The following ZNF445 variants were observed in gnomAD, a reference collection of about 807,000 sequenced individuals.
ZNF445 encodes the protein zinc finger protein 168.
ZNF445 carries 19 observed loss-of-function variants against 93.9 expected under a neutral mutation model. That is an observed-to-expected ratio of 0.20 (90% confidence interval 0.14 to 0.30). The LOEUF is 0.30. Among genes scored for constraint, ZNF445 ranks in the 10% least tolerant of loss-of-function variants. The pLI is 1.00. For synonymous variants in ZNF445, 449 were observed against 446.3 expected (o/e 1.01, Z -0.08); for missense variants, 1,058 against 1,259.4 (o/e 0.84, Z 2.42).
At position 44,451,359 on chromosome 3, in the gene ZNF445, G is replaced by A; in HGVS notation, c.553C>T (p.Pro185Ser). 2 of 1,614,140 alleles carry A rather than the reference G, an allele frequency of 1.2e-6. No individual in the cohort carries two copies. Among genetic ancestry groups the A allele is most frequent in the Non-Finnish European group, 1.7e-6 (2 of 1,180,002 alleles). Residue 185 changes from proline (P) to serine (S), a missense_variant, in exon 4 of 8, where the codon CCT becomes TCT. This residue lies in a region of ZNF445 where 657 missense variants were observed against 746.4 expected (regional missense o/e 0.88). Transcript: ENST00000396077. ...SSSALGDHLE[P>S]PYEIEARDFL... Reference sequence around the variant, plus strand: ...TCACGTGCTTCTATTTCATAGGGAGGCTCCAGGTGGTCCCCCAGAGCAGAG... The same window carrying A: ...TCACGTGCTTCTATTTCATAGGGAGACTCCAGGTGGTCCCCCAGAGCAGAG...
At chr3:44,454,755 TG>T (rs57424606) in intron 3 of ZNF445, 3,432 of 289,616 alleles carry the variant, frequency 0.012, 36 homozygotes, top group Non-Finnish European at 0.015. Context: ...AGAGACAGTG[TG>T]GGGGGGTCCT....
At position 44,437,040 on chromosome 3, in the gene ZNF445, TAGACAGAGC is replaced by T. The variant is rs1267898623; in HGVS notation, c.*9526_*9534del. The T allele has an allele frequency of 6.6e-6, 1 of 152,164 alleles. No individual in the cohort carries two copies. Among genetic ancestry groups the T allele is most frequent in the African/African-American group, 2.4e-5 (1 of 41,448 alleles). The allele number at this position is 152,164 out of a possible 1,614,324, so 9.4% of individuals were successfully genotyped here. A position where few individuals can be genotyped will look rare whatever the true frequency, so the allele number is the denominator to read the frequency against. ...AAGGAATAAAAGAATGGCTACTCCA[TAGACAGAGC>T]AGCCCCGAGGGCTGCTGGTTGTCTA... On this transcript the variant is annotated 3_prime_UTR_variant, in exon 8 of 8. Coordinates refer to ENST00000396077, the MANE Select transcript of ZNF445 (RefSeq NM_181489.6).
chr3:44,454,805 G>A (rs1698004836), intron 3 of ZNF445: 2 of 369,024 alleles, frequency 5.4e-6, no homozygotes, highest in Non-Finnish European at 5.1e-6. Context: ...CTGGCCTCAA[G>A]CAATCCTCCC....
At position 44,474,707 on chromosome 3, in the gene ZNF445, T is replaced by C. The variant is rs116555338; in HGVS notation, c.-269+2884A>G. Among the ~76,000 whole-genome samples the C allele has an allele frequency of 9.1e-3, 1,390 of 152,304 alleles. 29 individuals are homozygous for C. Among genetic ancestry groups the C allele is most frequent in the African/African-American group, 0.031 (1,307 of 41,548 alleles). ...AATAAACTTTTAAAAGTCTGCAGTT[T>C]AATTAATAGTACTGTACCAACGTAA... On this transcript the variant is annotated intron_variant, in intron 1 of 7. Coordinates refer to ENST00000396077, the MANE Select transcript of ZNF445 (RefSeq NM_181489.6).
rs1697769069 is a variant in ZNF445, at chr3:44,439,667, T to C, written c.*6908A>G. ...CTTTCAACAATTCTAGCCACGTCTC[T>C]TTGTTCCTGCTTTGCACTTTGCTCC... On this transcript the variant is annotated 3_prime_UTR_variant, in exon 8 of 8. Transcript: ENST00000396077. The C allele has an allele frequency of 6.6e-6, 1 of 152,166 alleles. No homozygotes were observed. The highest frequency in any genetic ancestry group is 6.5e-5 in the Admixed American group (1 of 15,276). 9.4% of individuals were successfully genotyped at this position (152,166 alleles called of 1,614,324 possible).
chr3:44,470,461 G>C (rs1334752396), intron 1 of ZNF445, among the ~76,000 whole-genome samples: 1 of 152,132 alleles, frequency 6.6e-6, no homozygotes, highest in African/African-American at 2.4e-5. Context: ...CTGGTGGTGG[G>C]GGTAGGAAGG....
chr3:44,461,646 A>G (rs949571193), intron 1 of ZNF445, among the ~76,000 whole-genome samples: 1 of 152,186 alleles, frequency 6.6e-6, no homozygotes, highest in Non-Finnish European at 1.5e-5. Context: ...CCCACCTGGT[A>G]TGGATCAAAG....
rs1698018831 is a variant in ZNF445 at position 44,455,625 on chromosome 3, C to T, written c.-76G>A. ...ACGTGGGTCCTCAGAAGTATCTTCT[C>T]AGCAGTCAACAATGCCAACATTTGC... On this transcript the variant is annotated 5_prime_UTR_variant, in exon 3 of 8. It removes the in-frame stop codon of an upstream open reading frame in the 5' UTR. Transcript: ENST00000396077. 1 of 1,372,376 alleles carries T rather than the reference C, an allele frequency of 7.3e-7. No individual in the cohort carries two copies. The highest frequency in any genetic ancestry group is 9.8e-7 in the Non-Finnish European group (1 of 1,016,750). The allele number at this position is 1,372,376 out of a possible 1,614,324, so 85.0% of individuals were successfully genotyped here.
At chr3:44,465,412 G>T (rs1698180015) in intron 1 of ZNF445, among the ~76,000 whole-genome samples, 1 of 152,154 alleles carries the variant, frequency 6.6e-6, no homozygotes, top group Admixed American at 6.5e-5. Flanking sequence ...AGATTTAAAA[G>T]AAATTATTTA....
rs771199204 is a variant in ZNF445, at chr3:44,447,387, A to G, written c.2284T>C (p.Tyr762His). 2 of 1,614,164 alleles carry G rather than the reference A, an allele frequency of 1.2e-6. No homozygotes were observed. Among genetic ancestry groups the G allele is most frequent in the South Asian group, 1.1e-5 (1 of 91,086 alleles). The change falls in exon 8 of 8, where the codon TAC becomes CAC. Residue 762 changes from tyrosine (Y) to histidine (H), a missense_variant. Tyr to His is a moderately conservative substitution (Grantham distance 83). Around this residue, in one of 3 missense-constraint regions of ZNF445, gnomAD observed 387 missense variants for 475.7 expected, o/e 0.81. Coordinates refer to ENST00000396077, the MANE Select transcript of ZNF445 (RefSeq NM_181489.6). This position sits in a 1 kb window ranked among gnomAD's most constrained non-coding sequence, Gnocchi z 4.7. ...GCCTTGCCACACTGGCTGCATTTGT[A>G]GGGCTCCTCTTTGGAGTGACTGCTC... Reference protein sequence around the residue: ...PQSSHSKEEPYKCSQCGKAFR... With the variant: ...PQSSHSKEEPHKCSQCGKAFR...
In ZNF445 at chr3:44,436,533, A is replaced by G. The variant is rs958844855; in HGVS notation, c.*10042T>C. 1.3e-5 allele frequency: 2 copies of G among 152,190 alleles called. No homozygotes were observed. Among genetic ancestry groups the G allele is most frequent in the African/African-American group, 4.8e-5 (2 of 41,440 alleles). 9.4% of individuals were successfully genotyped at this position (152,190 alleles called of 1,614,324 possible). ...GGGTGGGTGAGCAGGTATTTACATG[A>G]TAAATACTCAAGCATTTTTATCTCC... On this transcript the variant is annotated 3_prime_UTR_variant, in exon 8 of 8. Transcript: ENST00000396077.
At chr3:44,453,301 TAA>T in intron 3 of ZNF445, among the ~76,000 whole-genome samples, 1 of 151,152 alleles carries the variant, frequency 6.6e-6, no homozygotes. Context: ...TTTTTTTTTT[TAA>T]TTTTTTTTTT....
At chr3:44,471,720 G>T (rs1301293063) in intron 1 of ZNF445, among the ~76,000 whole-genome samples, 3 of 152,140 alleles carry the variant, frequency 2.0e-5, no homozygotes, top group Non-Finnish European at 4.4e-5. Flanking sequence ...AGAAACTACA[G>T]CCCTACTCTA....
At position 44,436,177 on chromosome 3, in the gene ZNF445, A is replaced by T. The variant is rs567746277; in HGVS notation, c.*10398T>A. 4.2e-4 allele frequency: 64 copies of T among 152,292 alleles called. No homozygotes were observed. The highest frequency in any genetic ancestry group is 1.5e-3 in the African/African-American group (62 of 41,548). The allele number at this position is 152,292 out of a possible 1,614,324, so 9.4% of individuals were successfully genotyped here. On this transcript the variant is annotated 3_prime_UTR_variant, in exon 8 of 8. Transcript: ENST00000396077. ...GTCAGACTTTATTCACCAGATCTGGAGCTTTCCTACTTACTCGGATCAAGT... is the reference window on the plus strand; with the variant it reads ...GTCAGACTTTATTCACCAGATCTGGTGCTTTCCTACTTACTCGGATCAAGT...
In ZNF445 at chr3:44,446,458, G is replaced by C; in HGVS notation, c.*117C>G. 2.1e-6 allele frequency: 3 copies of C among 1,458,080 alleles called. No homozygotes were observed. Among genetic ancestry groups the C allele is most frequent in the South Asian group, 1.3e-5 (1 of 79,220 alleles). 90.3% of individuals were successfully genotyped at this position (1,458,080 alleles called of 1,614,324 possible). The stretch of plus-strand genomic sequence containing the variant: ...TCAAATCCTTGGGATTCTGTCACTA[G>C]CTTCCAAAACAGAAAGGGCTGGGCC... On this transcript the variant is annotated 3_prime_UTR_variant, in exon 8 of 8. Coordinates refer to ENST00000396077, the MANE Select transcript of ZNF445 (RefSeq NM_181489.6). This position sits in a 1 kb window ranked among gnomAD's most constrained non-coding sequence, Gnocchi z 4.2.
At chr3:44,476,726 G>A (rs1388602633) in intron 1 of ZNF445, among the ~76,000 whole-genome samples, 1 of 152,178 alleles carries the variant, frequency 6.6e-6, no homozygotes, top group African/African-American at 2.4e-5. Context: ...GCAGGTTAGA[G>A]CTCTGCCTTT....
intron 1 of ZNF445, among the ~76,000 whole-genome samples, chr3:44,462,040 C>T (rs1698121097): frequency 7.3e-6 from 1 of 137,400 alleles, no homozygotes; most frequent in Non-Finnish European, 1.6e-5. Flanking sequence ...GTAAATGTCA[C>T]TATTTGTCTC....
intron 1 of ZNF445, among the ~76,000 whole-genome samples, chr3:44,475,197 GGTTTT>G (rs959408448): frequency 2.6e-5 from 4 of 152,004 alleles, no homozygotes; most frequent in Middle Eastern, 3.4e-3. Context: ...AGGTATTACA[GGTTTT>G]GTTTTGTTTT....
chr3:44,457,731 G>T (rs911917962), intron 2 of ZNF445, among the ~76,000 whole-genome samples: 2 of 152,158 alleles, frequency 1.3e-5, no homozygotes, highest in Admixed American at 1.3e-4. Flanking sequence ...GGCCGGGTGT[G>T]GTGGCTTACA....
Sources: allele counts gnomAD v4.1 joint callset (sites outside exome capture counted in the v4.1 genomes callset), GRCh38; gene constraint gnomAD v4.1.1; regional missense constraint gnomAD v4.1.1; non-coding constraint Gnocchi (gnomAD v3.1); transcripts MANE v1.5; gene names NCBI Gene and HGNC (gene_info 2026-07-23, HGNC 2026-07-21).